Variants in HSP90B1 observed in about 807,000 individuals in gnomAD.
HSP90B1 encodes endoplasmin.
HSP90B1 carries 27 observed loss-of-function variants against 100.4 expected under a neutral mutation model. That is an observed-to-expected ratio of 0.27 (90% CI 0.20 to 0.37). The LOEUF is 0.37. HSP90B1 is among the 10% of genes least tolerant of loss of function. HSP90B1 has a pLI of 1.00. For synonymous variants in HSP90B1, 304 were observed against 330.8 expected (o/e 0.92, Z 0.88); for missense variants, 678 against 960.5 (o/e 0.71, Z 3.89).
At chr12:103,947,506 T>A (rs1870273541) in intron 17 of HSP90B1, 76 bp downstream of exon 17, 1 of 1,610,840 alleles carries the variant, frequency 6.2e-7, no homozygotes, top group Admixed American at 1.7e-5. Flanking sequence ...CTGGCAAAGT[T>A]AAGACTGTGT....
intron 5 of HSP90B1, among the ~76,000 whole-genome samples, chr12:103,936,609 G>A (rs1013668237): frequency 7.3e-5 from 10 of 136,374 alleles, no homozygotes; most frequent in African/African-American, 2.8e-4. Context: ...ATCACGCCTG[G>A]GTGACAGAGG....
At chr12:103,931,646 G>A (rs747038552) in intron 2 of HSP90B1, 23 bp downstream of exon 2, 20 of 1,520,862 alleles carry the variant, frequency 1.3e-5, no homozygotes, top group Admixed American at 5.0e-5. Flanking sequence ...TTGAACTTAC[G>A]TATACAGATA....
intron 5 of HSP90B1, among the ~76,000 whole-genome samples, chr12:103,936,698 C>A (rs74382571): frequency 0.06 from 9,153 of 151,872 alleles, 471 homozygotes; most frequent in East Asian, 0.21. Flanking sequence ...AGCTTGCCAG[C>A]CCCTTGTCTA....
In HSP90B1 at chr12:103,931,517, T is replaced by C. The variant is rs1462768296; in HGVS notation, c.50-4T>C. 6.2e-7 allele frequency: 1 copy of C among 1,610,762 alleles called. No individual in the cohort carries two copies. Among genetic ancestry groups the C allele is most frequent in the African/African-American group, 1.3e-5 (1 of 75,012 alleles). On this transcript the variant is annotated splice_polypyrimidine_tract_variant and splice_region_variant and intron_variant, in intron 1 of 17. Transcript: ENST00000299767. ...TGAAGAGTTTGCCCGTGTTAAATCT[T>C]CAGGGTCGGTCAGAGCTGACGATGA...
In HSP90B1 at chr12:103,943,900, C is replaced by T; in HGVS notation, c.2027+26C>T. 1 of 1,604,286 alleles carries T rather than the reference C, an allele frequency of 6.2e-7. No individual in the cohort carries two copies. The highest frequency in any genetic ancestry group is 1.1e-5 in the South Asian group (1 of 89,852). On this transcript the variant is annotated intron_variant, in intron 14 of 17. Transcript: ENST00000299767. The surrounding 1 kb of genome is among the most constrained non-coding windows in gnomAD (Gnocchi z 5.3). ...GTAAGCATCCTCGGGAAAGTCCCTG[C>T]CAGGGCGTTGCCCCTTACCCAATCT...
intron 11 of HSP90B1, among the ~76,000 whole-genome samples, chr12:103,942,150 A>G (rs1447367273): frequency 1.3e-5 from 2 of 152,254 alleles, no homozygotes; most frequent in Non-Finnish European, 2.9e-5. Flanking sequence ...TCATCTAGAC[A>G]CATAGCCACC....
At chr12:103,932,753 G>T (rs1869804224) in intron 3 of HSP90B1, 73 bp from the exon 4 acceptor site, 7 of 825,004 alleles carry the variant, frequency 8.5e-6, no homozygotes, top group Non-Finnish European at 1.2e-5. Context: ...AAATAAATGG[G>T]TTTGGCATAA....
chr12:103,932,483 C>A, intron 3 of HSP90B1, 65 bp downstream of exon 3: 1 of 1,403,908 alleles, frequency 7.1e-7, no homozygotes, highest in Non-Finnish European at 9.8e-7. Flanking sequence ...CTTAAATTTG[C>A]TTAATTTACT....
Position 103,939,541 on chromosome 12 carries a change from G to A in HSP90B1, c.1008G>A (p.Met336Ile), listed in dbSNP as rs1870017016. 1.3e-6 allele frequency: 2 copies of A among 1,576,046 alleles called. No homozygotes were observed. The highest frequency in any genetic ancestry group is 1.7e-6 in the Non-Finnish European group (2 of 1,162,822). Residue 336 changes from methionine (M) to isoleucine (I), a missense_variant, in exon 8 of 18, where the codon ATG (methionine) becomes ATA (isoleucine). Met to Ile is a conservative substitution (Grantham distance 10). Transcript: ENST00000299767. Reference protein sequence around the residue: ...VEKTVWDWELMNDIKPIWQRP... With the variant: ...VEKTVWDWELINDIKPIWQRP... ...AAACTGTCTGGGACTGGGAACTTAT[G>A]AATGATATCAAACCAATATGGCAGA...
In HSP90B1 at chr12:103,942,592, C is replaced by T. The variant is rs1238720523; in HGVS notation, c.1440C>T (p.Tyr480=). 3 of 1,613,780 alleles carry T rather than the reference C, an allele frequency of 1.9e-6. No individual in the cohort carries two copies. The highest frequency in any genetic ancestry group is 2.5e-6 in the Non-Finnish European group (3 of 1,179,802). The part of the protein sequence containing the change: ...DMIKKIADDK[Y]NDTFWKEFGT... ...TCAAGAAGATTGCTGATGATAAATA[C>T]AATGATACTTTTTGGAAAGAATTTG... is the stretch of plus-strand genomic sequence containing the variant. The change falls in exon 12 of 18, where the codon TAC becomes TAT. Residue 480 remains tyrosine (Y), a synonymous_variant. Transcript: ENST00000299767.
At chr12:103,937,373 A>G (rs1236812950) in intron 5 of HSP90B1, among the ~76,000 whole-genome samples, 3 of 152,220 alleles carry the variant, frequency 2.0e-5, no homozygotes, top group Non-Finnish European at 2.9e-5. Context: ...GCATGATTCC[A>G]TTTCTCTCCA....
rs1226121528 is a variant in HSP90B1 at position 103,934,173 on chromosome 12, T to A, written c.629T>A (p.Ile210Asn). 1 of 1,614,232 alleles carries A rather than the reference T, an allele frequency of 6.2e-7. No individual in the cohort carries two copies. Residue 210 changes from isoleucine to asparagine, a missense_variant, in exon 5 of 18, where the codon ATT becomes AAT. Ile to Asn is a moderately radical substitution (Grantham distance 149). Transcript: ENST00000299767. ...YSAFLVADKV[I>N]VTSKHNNDTQ... ...GCCTTCCTTGTAGCAGATAAGGTTA[T>A]TGTCACTTCAAAACACAACAACGAT...
In HSP90B1 at chr12:103,931,506, G is replaced by T. The variant is rs369759509; in HGVS notation, c.50-15G>T. ...AAGTGTGATGTTGAAGAGTTTGCCC[G>T]TGTTAAATCTTCAGGGTCGGTCAGA... is the stretch of plus-strand genomic sequence containing the variant. On this transcript the variant is annotated splice_polypyrimidine_tract_variant and intron_variant, in intron 1 of 17. Transcript: ENST00000299767. 5 of 1,595,382 alleles carry T rather than the reference G, an allele frequency of 3.1e-6. No homozygotes were observed. Among genetic ancestry groups the T allele is most frequent in the Non-Finnish European group, 4.3e-6 (5 of 1,163,502 alleles).
intron 8 of HSP90B1, among the ~76,000 whole-genome samples, chr12:103,940,086 T>C (rs371147502): frequency 6.6e-6 from 1 of 152,222 alleles, no homozygotes; most frequent in Non-Finnish European, 1.5e-5. Context: ...ATGTGATTTT[T>C]TTAAAAAAAT....
At chr12:103,947,596 T>C in intron 17 of HSP90B1, 37 bp from the exon 18 acceptor site, 1 of 1,562,244 alleles carries the variant, frequency 6.4e-7, no homozygotes, top group South Asian at 1.2e-5. Context: ...TTCTGCTAAC[T>C]TTTAATACCT....
At chr12:103,945,704 G>A (rs1870204442) in intron 14 of HSP90B1, among the ~76,000 whole-genome samples, 1 of 152,122 alleles carries the variant, frequency 6.6e-6, no homozygotes, top group African/African-American at 2.4e-5. Flanking sequence ...AGGTACTTGG[G>A]ACTCATCAGT....
chr12:103,936,708 A>G (rs1306700229), intron 5 of HSP90B1, among the ~76,000 whole-genome samples: 1 of 151,370 alleles, frequency 6.6e-6, no homozygotes, highest in East Asian at 1.9e-4. Flanking sequence ...CCCCTTGTCT[A>G]GGTCTCACTA....
chr12:103,934,937 G>A (rs1449429629), intron 5 of HSP90B1, among the ~76,000 whole-genome samples: 7 of 152,200 alleles, frequency 4.6e-5, no homozygotes, highest in Non-Finnish European at 5.9e-5. Flanking sequence ...CCGACCTCAC[G>A]TGATCCACCC....
At position 103,946,881 on chromosome 12, in the gene HSP90B1, A is replaced by G; in HGVS notation, c.2202A>G (p.Ala734=). 2 of 1,614,144 alleles carry G rather than the reference A, an allele frequency of 1.2e-6. No homozygotes were observed. Among genetic ancestry groups the G allele is most frequent in the Non-Finnish European group, 1.7e-6 (2 of 1,179,970 alleles). ...GGTATCTTTTACCAGACACTAAAGC[A>G]TATGGAGATAGAATAGAAAGAATGC... ...RSGYLLPDTK[A]YGDRIERMLR... The change falls in exon 16 of 18, where the codon GCA becomes GCG. Residue 734 remains alanine, a synonymous_variant. Transcript: ENST00000299767.
Sources: gnomAD v4.1 joint callset for allele counts (sites outside exome capture counted in the v4.1 genomes callset) on GRCh38, gnomAD v4.1.1 for gene constraint, Gnocchi (gnomAD v3.1) non-coding constraint, MANE v1.5 for transcripts, NCBI Gene and HGNC (gene_info 2026-07-23, HGNC 2026-07-21) for gene names.